The following GPC6 variants were observed in gnomAD, a reference collection of about 807,000 sequenced individuals.
GPC6 encodes the protein glypican 6, also known as glypican-6.
A neutral mutation model predicts 55.2 loss-of-function variants in GPC6; 14 were observed. That is an observed-to-expected ratio of 0.25 (90% CI 0.17 to 0.40). GPC6 has a LOEUF of 0.40. Ranked by LOEUF, GPC6 falls within the 10% of genes least tolerant of loss-of-function variation. The pLI is 1.00. For synonymous variants in GPC6, 278 were observed against 259.6 expected, an observed-to-expected ratio of 1.07 and a Z score of -0.68; for missense variants, 641 against 708.5, an observed-to-expected ratio of 0.90 and a Z score of 1.08.
At chr13:93,380,690 T>G (rs1023519237) in intron 1 of GPC6, among the ~76,000 whole-genome samples, 1 of 152,144 alleles carries the variant, frequency 6.6e-6, no homozygotes, top group Non-Finnish European at 1.5e-5. Context: ...GCCACTGTCA[T>G]GGAAAAGCAG....
At chr13:93,567,956 T>A (rs1295552841) in intron 2 of GPC6, among the ~76,000 whole-genome samples, 1 of 152,170 alleles carries the variant, frequency 6.6e-6, no homozygotes, top group Non-Finnish European at 1.5e-5. Flanking sequence ...TACCCCACCA[T>A]GACCCAAGAA....
chr13:93,237,752 A>T (rs1481667204), intron 1 of GPC6, among the ~76,000 whole-genome samples: 1 of 151,880 alleles, frequency 6.6e-6, no homozygotes, highest in Non-Finnish European at 1.5e-5. Flanking sequence ...ATATGGTGAG[A>T]GATAGGGATC....
At chr13:93,950,314 T>C (rs1244259677) in intron 3 of GPC6, among the ~76,000 whole-genome samples, 1 of 152,220 alleles carries the variant, frequency 6.6e-6, no homozygotes, top group Non-Finnish European at 1.5e-5. Flanking sequence ...TTATTTATGA[T>C]AGTAACTGGT....
intron 1 of GPC6, among the ~76,000 whole-genome samples, chr13:93,324,810 G>A (rs555398347): frequency 1.3e-5 from 2 of 151,956 alleles, no homozygotes; most frequent in Non-Finnish European, 2.9e-5. Flanking sequence ...ATTGAAATGA[G>A]TAAATGTTAA....
intron 6 of GPC6, among the ~76,000 whole-genome samples, chr13:94,367,889 A>G (rs1879353117): frequency 6.6e-6 from 1 of 152,004 alleles, no homozygotes; most frequent in Non-Finnish European, 1.5e-5. Flanking sequence ...CATGGCTCAC[A>G]CCTGTAATCC....
intron 1 of GPC6, among the ~76,000 whole-genome samples, chr13:93,291,750 G>A (rs535808289): frequency 6.6e-6 from 1 of 152,046 alleles, no homozygotes; most frequent in Non-Finnish European, 1.5e-5. Flanking sequence ...AAGTTAAAAC[G>A]AGTCTGAGCA....
chr13:94,096,567 A>G (rs976772795), intron 4 of GPC6, among the ~76,000 whole-genome samples: 1 of 152,174 alleles, frequency 6.6e-6, no homozygotes, highest in African/African-American at 2.4e-5. Context: ...TAGATGAGAA[A>G]TGAGACTGAG....
chr13:94,091,294 G>T (rs906697827), intron 4 of GPC6, among the ~76,000 whole-genome samples: 7 of 151,968 alleles, frequency 4.6e-5, no homozygotes, highest in Non-Finnish European at 1.0e-4. Context: ...TGCCATTTCT[G>T]TACCGGGATA....
At position 93,359,396 on chromosome 13, in the gene GPC6, C is replaced by T. The variant is rs558851966; in HGVS notation, c.160+131780C>T. ...CATAGAATCTTCTGTTACTCAACTT[C>T]CTCATCTGTAAAATGGGATAATCGT... On this transcript the variant is annotated intron_variant, in intron 1 of 8. Transcript: ENST00000377047. Among the ~76,000 whole-genome samples, 3 of 152,294 alleles carry T rather than the reference C, an allele frequency of 2.0e-5. No homozygotes were observed. The South Asian group carries it at 6.2e-4, about 32-fold the overall frequency.
At chr13:94,165,670 T>G (rs1309991702) in intron 4 of GPC6, among the ~76,000 whole-genome samples, 1 of 152,196 alleles carries the variant, frequency 6.6e-6, no homozygotes, top group Non-Finnish European at 1.5e-5. Flanking sequence ...ATTATATCCA[T>G]GAATGCTTTT....
chr13:93,635,954 A>G (rs899655017), intron 2 of GPC6, among the ~76,000 whole-genome samples: 9 of 152,114 alleles, frequency 5.9e-5, no homozygotes, highest in African/African-American at 2.2e-4. Flanking sequence ...CTAACTACTC[A>G]GTAATTCAAG....
intron 1 of GPC6, among the ~76,000 whole-genome samples, chr13:93,493,945 C>A (rs7399392): frequency 0.12 from 9,699 of 83,900 alleles, 1,158 homozygotes; most frequent in Middle Eastern, 0.19. Flanking sequence ...ACTTCCAACT[C>A]TGTGGTCAAT....
chr13:93,301,138 A>T (rs768799070), intron 1 of GPC6, among the ~76,000 whole-genome samples: 1 of 152,192 alleles, frequency 6.6e-6, no homozygotes, highest in Non-Finnish European at 1.5e-5. Flanking sequence ...GCATTCATTG[A>T]CTCAATAAAC....
At chr13:93,536,766 G>T (rs915013545) in intron 1 of GPC6, among the ~76,000 whole-genome samples, 2 of 152,070 alleles carry the variant, frequency 1.3e-5, no homozygotes. Context: ...TATTGATTTA[G>T]TTAATACTTT....
chr13:93,839,895 C>G (rs1271858040), intron 3 of GPC6, among the ~76,000 whole-genome samples: 1 of 152,098 alleles, frequency 6.6e-6, no homozygotes, highest in Non-Finnish European at 1.5e-5. Flanking sequence ...ATTTTAGCAT[C>G]TATATTCATC....
intron 2 of GPC6, among the ~76,000 whole-genome samples, chr13:93,614,664 T>G (rs181266886): frequency 6.6e-6 from 1 of 152,108 alleles, no homozygotes; most frequent in Non-Finnish European, 1.5e-5. Context: ...CCCCCTATAT[T>G]TTTTTCAAAT....
In GPC6 at chr13:93,756,949, T is replaced by G. The variant is rs559858452; in HGVS notation, c.320-73205T>G. ...TCCAGACTTAAGTTCCACAACCCGT[T>G]TAATAGAGCTTGTGAAAATATACTC... On this transcript the variant is annotated intron_variant, in intron 2 of 8. Coordinates refer to ENST00000377047, the MANE Select transcript of GPC6 (RefSeq NM_005708.5). Among the ~76,000 whole-genome samples the G allele has an allele frequency of 3.9e-5, 6 of 152,294 alleles. No individual in the cohort carries two copies. The South Asian group carries it at 1.2e-3, about 32-fold the overall frequency.
At chr13:94,179,846 T>G (rs1424442862) in intron 4 of GPC6, among the ~76,000 whole-genome samples, 1 of 152,202 alleles carries the variant, frequency 6.6e-6, no homozygotes, top group Non-Finnish European at 1.5e-5. Context: ...TAATAATGTG[T>G]CTGCAGGAAA....
chr13:93,902,833 C>T lies in GPC6; in HGVS notation c.711+72288C>T, dbSNP rs1876434173. On this transcript the variant is annotated intron_variant, in intron 3 of 8. Coordinates refer to ENST00000377047, the MANE Select transcript of GPC6 (RefSeq NM_005708.5). ...AAACTGTTACACATTTGTGTGTCTT[C>T]TTTTGAGAAATATCTTTCTGGGTCT... Among the ~76,000 whole-genome samples the T allele has an allele frequency of 1.3e-5, 2 of 152,088 alleles. 1 individual carries two copies. Among genetic ancestry groups the T allele is most frequent in the South Asian group, 4.2e-4 (2 of 4,818 alleles).
Sources: gnomAD v4.1 joint callset for allele counts (sites outside exome capture counted in the v4.1 genomes callset) on GRCh38, gnomAD v4.1.1 for gene constraint, MANE v1.5 for transcripts, NCBI Gene and HGNC (gene_info 2026-07-23, HGNC 2026-07-21) for gene names.